USP49: variants seen among roughly 807,000 people sequenced by gnomAD.
USP49 encodes ubiquitin carboxyl-terminal hydrolase 49.
In USP49, 24 loss-of-function variants were observed where a neutral mutation model predicts 58.6. The observed-to-expected ratio is 0.41, with a 90% confidence interval of 0.30 to 0.58. USP49 has a LOEUF of 0.58. Among genes scored for constraint, USP49 ranks in the 20% least tolerant of loss-of-function variants. The probability of loss-of-function intolerance (pLI) is 0.30; values close to 1 mark genes in which losing one functional copy is unlikely to be tolerated. For missense variants in USP49, 703 were observed against 866.1 expected (o/e 0.81, Z 2.36); for synonymous variants, 408 against 365.1 (o/e 1.12, Z -1.34).
rs781519187 is a variant in USP49 at position 41,798,980 on chromosome 6, G to A, written c.1671-51C>T. Reference sequence around the variant, plus strand: ...CTAGTAAAAACTGGCATATATAATCGTAGGTAGAGGTAGGTATTAATAAAA... The same window carrying A: ...CTAGTAAAAACTGGCATATATAATCATAGGTAGAGGTAGGTATTAATAAAA... On this transcript the variant is annotated intron_variant, in intron 6 of 7. Transcript: ENST00000682992. 3.0e-5 allele frequency: 47 copies of A among 1,564,080 alleles called. No homozygotes were observed. In the East Asian group the frequency reaches 5.0e-4, roughly 16 times the overall value.
chr6:41,854,001 A>G (rs867572842), intron 3 of USP49, among the ~76,000 whole-genome samples: 64 of 126,840 alleles, frequency 5.0e-4, no homozygotes, highest in South Asian at 1.2e-3. Flanking sequence ...CTCTGTCTCG[A>G]AAAAAAAAAA....
intron 3 of USP49, among the ~76,000 whole-genome samples, chr6:41,850,715 A>G (rs534010449): frequency 6.0e-5 from 9 of 150,804 alleles, no homozygotes; most frequent in Non-Finnish European, 8.9e-5. Context: ...AGCAATTCTC[A>G]TGTCTCAGCC....
intron 3 of USP49, among the ~76,000 whole-genome samples, chr6:41,822,294 A>C (rs981392567): frequency 6.6e-6 from 1 of 152,204 alleles, no homozygotes; most frequent in African/African-American, 2.4e-5. Flanking sequence ...TGGCAGACAC[A>C]TATACATTAG....
intron 3 of USP49, among the ~76,000 whole-genome samples, chr6:41,845,981 C>T (rs1469426796): frequency 6.6e-6 from 1 of 152,128 alleles, no homozygotes; most frequent in East Asian, 1.9e-4. Context: ...AGGGCAGCTA[C>T]CATTTCCTCA....
rs1772840826 is a variant in USP49, at chr6:41,793,797, T to C, written c.*2736A>G. On this transcript the variant is annotated 3_prime_UTR_variant, in exon 8 of 8. Coordinates refer to ENST00000682992, the MANE Select transcript of USP49 (RefSeq NM_001286554.2). ...ATCCTTTTTGAGGGCCTAGGTGCACTCATCTTGGCTGGCTACAGCAGCAAG... is the reference window on the plus strand; with the variant it reads ...ATCCTTTTTGAGGGCCTAGGTGCACCCATCTTGGCTGGCTACAGCAGCAAG... 6.6e-6 allele frequency: 1 copy of C among 152,182 alleles called. No homozygotes were observed. Among genetic ancestry groups the C allele is most frequent in the African/African-American group, 2.4e-5 (1 of 41,448 alleles). 9.4% of individuals were successfully genotyped at this position (152,182 alleles called of 1,614,324 possible).
rs186878536 is a variant in USP49, at chr6:41,791,526, G to A, written c.*5007C>T. 3.3e-5 allele frequency: 5 copies of A among 152,338 alleles called. No homozygotes were observed. In the East Asian group the frequency reaches 9.6e-4, roughly 29 times the overall value. The allele number at this position is 152,338 out of a possible 1,614,324, so 9.4% of individuals were successfully genotyped here. Reference sequence around the variant, plus strand: ...AGTAATCACTAATTCTGTAAATGAAGGAGTTGGACTTCACTATTGCCAAAG... The same window carrying A: ...AGTAATCACTAATTCTGTAAATGAAAGAGTTGGACTTCACTATTGCCAAAG... On this transcript the variant is annotated 3_prime_UTR_variant, in exon 8 of 8. Transcript: ENST00000682992.
Position 41,853,633 on chromosome 6 carries a change from A to G in USP49, c.-29+17931T>C, listed in dbSNP as rs181570591. Among the ~76,000 whole-genome samples, 182 of 152,304 alleles carry G rather than the reference A, an allele frequency of 1.2e-3. 1 individual carries two copies. The highest frequency in any genetic ancestry group is 4.2e-3 in the African/African-American group (176 of 41,570). ...TTACAATCTCATATAGAAGATGAGA[A>G]ATAAGTACAAAGAACCTGGATAGGT... is the stretch of plus-strand genomic sequence containing the variant. On this transcript the variant is annotated intron_variant, in intron 3 of 7. Transcript: ENST00000682992.
At chr6:41,852,541 C>T (rs774624453) in intron 3 of USP49, among the ~76,000 whole-genome samples, 2 of 151,956 alleles carry the variant, frequency 1.3e-5, no homozygotes, top group Admixed American at 6.6e-5. Context: ...AAGACTTGGA[C>T]GATGAAGACT....
At position 41,806,436 on chromosome 6, in the gene USP49, T is replaced by C; in HGVS notation, c.548A>G (p.Glu183Gly). The C allele has an allele frequency of 1.3e-6, 2 of 1,585,178 alleles. No individual in the cohort carries two copies. Among genetic ancestry groups the C allele is most frequent in the Non-Finnish European group, 1.7e-6 (2 of 1,174,124 alleles). Reference sequence around the variant, plus strand: ...CTCGCGCCGCCGCCTCCGCGCCTCCTCCTTCTTGCGCTCCAGGGCCTCCTC... The same window carrying C: ...CTCGCGCCGCCGCCTCCGCGCCTCCCCCTTCTTGCGCTCCAGGGCCTCCTC... ...RQEEALERKK[E>G]EARRRRREVK... Residue 183 changes from glutamate (E) to glycine (G), a missense_variant, in exon 4 of 8, where the codon GAG becomes GGG. By Grantham distance (98) the Glu-to-Gly change is moderately conservative. This residue lies in a region of USP49 where 376 missense variants were observed against 373.5 expected (regional missense o/e 1.01). Coordinates refer to ENST00000682992, the MANE Select transcript of USP49 (RefSeq NM_001286554.2). The surrounding 1 kb of genome is among the most constrained non-coding windows in gnomAD (Gnocchi z 5.9).
chr6:41,824,402 G>T (rs1480791832), intron 3 of USP49, among the ~76,000 whole-genome samples: 1 of 151,290 alleles, frequency 6.6e-6, no homozygotes, highest in Non-Finnish European at 1.5e-5. Context: ...GTCCAATTTA[G>T]ATGTTTAAAA....
At chr6:41,804,075 G>A in intron 4 of USP49, 65 bp from the exon 5 acceptor site, 1 of 1,470,250 alleles carries the variant, frequency 6.8e-7, no homozygotes, top group Non-Finnish European at 9.3e-7. Context: ...AGTTTTACTT[G>A]CTTCATAAAA....
chr6:41,875,359 C>T (rs1774485534), intron 2 of USP49, among the ~76,000 whole-genome samples: 2 of 152,188 alleles, frequency 1.3e-5, no homozygotes. Context: ...ACATTCCAAA[C>T]TATAAACATT....
intron 3 of USP49, among the ~76,000 whole-genome samples, chr6:41,809,226 T>TAAA (rs147542602): frequency 4.3e-5 from 6 of 138,820 alleles, no homozygotes; most frequent in South Asian, 2.4e-4. Flanking sequence ...TCTTTAAAAT[T>TAAA]AAAAAAAAAA....
intron 3 of USP49, among the ~76,000 whole-genome samples, chr6:41,855,877 G>A (rs1277149124): frequency 3.3e-5 from 5 of 151,408 alleles, no homozygotes; most frequent in African/African-American, 7.3e-5. Flanking sequence ...GCGAAACCCC[G>A]TCTCTACTAA....
At position 41,802,452 on chromosome 6, in the gene USP49, A is replaced by ATTTTT. The variant is rs1561902624; in HGVS notation, c.1561+1353_1561+1354insAAAAA. 2.8e-4 allele frequency among the ~76,000 whole-genome samples: 18 copies of ATTTTT among 63,810 alleles called. 3 individuals carry two copies. The highest frequency in any genetic ancestry group is 6.5e-4 in the African/African-American group (9 of 13,760). The allele number at this position is 63,810 out of a possible 152,430, so 41.9% of individuals were successfully genotyped here. A position where few individuals can be genotyped will look rare whatever the true frequency, so the allele number is the denominator to read the frequency against. ...ATTTTATTTATTTATTTATTTATTT[A>ATTTTT]TTTATTTATTTATTTATTTTTTATT... is the stretch of plus-strand genomic sequence containing the variant. On this transcript the variant is annotated intron_variant, in intron 5 of 7. Transcript: ENST00000682992.
At chr6:41,848,871 TGA>T (rs771514706) in intron 3 of USP49, among the ~76,000 whole-genome samples, 2 of 145,586 alleles carry the variant, frequency 1.4e-5, no homozygotes, top group Non-Finnish European at 3.0e-5. Flanking sequence ...AAAAAAAAAA[TGA>T]GAGAGAGAGA....
chr6:41,804,555 G>C (rs1773075214), intron 4 of USP49, among the ~76,000 whole-genome samples: 1 of 152,142 alleles, frequency 6.6e-6, no homozygotes, highest in African/African-American at 2.4e-5. Flanking sequence ...TCTTCCTAAG[G>C]GGAGGGGAGA....
chr6:41,888,832 G>C (rs527673202), intron 2 of USP49, among the ~76,000 whole-genome samples: 1 of 152,044 alleles, frequency 6.6e-6, no homozygotes, highest in African/African-American at 2.4e-5. Flanking sequence ...TTCAGGTCAC[G>C]AGTTTATCAA....
intron 3 of USP49, among the ~76,000 whole-genome samples, chr6:41,862,384 A>G (rs1054338261): frequency 6.6e-6 from 1 of 152,232 alleles, no homozygotes; most frequent in African/African-American, 2.4e-5. Flanking sequence ...AATAATATAT[A>G]CATATATTTT....
Sources: gnomAD v4.1 joint callset for allele counts (sites outside exome capture counted in the v4.1 genomes callset) on GRCh38, gnomAD v4.1.1 for gene constraint, gnomAD v4.1.1 regional missense constraint, Gnocchi (gnomAD v3.1) non-coding constraint, MANE v1.5 for transcripts, NCBI Gene and HGNC (gene_info 2026-07-23, HGNC 2026-07-21) for gene names.